The following ACAN variants were observed in gnomAD, a reference collection of about 807,000 sequenced individuals.
ACAN encodes aggrecan core protein.
Under a neutral mutation model 169.1 loss-of-function variants are expected in ACAN, and 47 were observed. That is an observed-to-expected ratio of 0.28 (90% CI 0.22 to 0.35). The LOEUF is 0.35. Ranked by LOEUF, ACAN falls within the 10% of genes least tolerant of loss-of-function variation. The probability of loss-of-function intolerance (pLI) is 1.00; values close to 1 mark genes in which losing one functional copy is unlikely to be tolerated. For synonymous variants in ACAN, 1,115 were observed against 1,112.2 expected, an observed-to-expected ratio of 1.00 and a Z score of -0.05; for missense variants, 2,716 against 2,759.9, an observed-to-expected ratio of 0.98 and a Z score of 0.36.
At position 88,861,590 on chromosome 15, in the gene ACAN, C is replaced by A. The variant is rs1177355203; in HGVS notation, c.6946+1151C>A. The stretch of plus-strand genomic sequence containing the variant: ...GGGTAGATATTCATTCACTCTTTCC[C>A]CAACGTGTGGGCTGCAAGGACAGAG... On this transcript the variant is annotated intron_variant, in intron 13 of 18. Coordinates refer to ENST00000560601, the MANE Select transcript of ACAN (RefSeq NM_001369268.1). The surrounding 1 kb of genome is among the most constrained non-coding windows in gnomAD (Gnocchi z 6.3). Among the ~76,000 whole-genome samples the A allele has an allele frequency of 6.6e-6, 1 of 151,974 alleles. No homozygotes were observed. Among genetic ancestry groups the A allele is most frequent in the Non-Finnish European group, 1.5e-5 (1 of 68,000 alleles).
chr15:88,834,407 G>A (rs948175265), intron 1 of ACAN, among the ~76,000 whole-genome samples: 7 of 152,202 alleles, frequency 4.6e-5, no homozygotes, highest in Non-Finnish European at 1.0e-4. Context: ...GGGAACACCA[G>A]TGCCCTCCCA....
Position 88,814,900 on chromosome 15 carries a change from G to C in ACAN, c.-8+11091G>C, listed in dbSNP as rs535494028. The stretch of plus-strand genomic sequence containing the variant: ...TCCATCCCCTGTCCTCCTCTCCTGG[G>C]ACTAGGGAGTGGGGAATCCTAAATG... On this transcript the variant is annotated intron_variant, in intron 1 of 18. Coordinates refer to ENST00000560601, the MANE Select transcript of ACAN (RefSeq NM_001369268.1). The surrounding 1 kb of genome is among the most constrained non-coding windows in gnomAD (Gnocchi z 4.0). Among the ~76,000 whole-genome samples the C allele has an allele frequency of 6.4e-4, 97 of 152,226 alleles. 1 individual carries two copies. Among genetic ancestry groups the C allele is most frequent in the African/African-American group, 2.3e-3 (94 of 41,546 alleles).
chr15:88,853,778 ATACATACG>A (rs1394062713), intron 11 of ACAN, among the ~76,000 whole-genome samples: 2 of 148,550 alleles, frequency 1.3e-5, no homozygotes, highest in Non-Finnish European at 2.9e-5. Flanking sequence ...ACATACATAC[ATACATACG>A]TACATACATA....
rs370515602 is a variant in ACAN, at chr15:88,860,429, C to G, written c.6936C>G (p.His2312Gln). Residue 2312 changes from histidine to glutamine, a missense_variant, in exon 13 of 19, where the codon CAC (histidine) becomes CAG (glutamine). Physicochemically the swap from His to Gln is conservative, Grantham distance 24 (BLOSUM62 0). Transcript: ENST00000560601. The part of the protein sequence containing the change: ...CLCPPGYTGE[H>Q]CNIDIDECLS... Reference sequence around the variant, plus strand: ...GCCCCCCTGGCTACACTGGCGAGCACTGTAACATAGGTAAGGCCCTCATTG... The same window carrying G: ...GCCCCCCTGGCTACACTGGCGAGCAGTGTAACATAGGTAAGGCCCTCATTG... 6.2e-6 allele frequency: 10 copies of G among 1,613,084 alleles called. No individual in the cohort carries two copies. Among genetic ancestry groups the G allele is most frequent in the Non-Finnish European group, 7.6e-6 (9 of 1,179,554 alleles).
At chr15:88,859,920 G>C (rs1429625588) in intron 12 of ACAN, among the ~76,000 whole-genome samples, 1 of 152,080 alleles carries the variant, frequency 6.6e-6, no homozygotes, top group Non-Finnish European at 1.5e-5. Context: ...ACAACTTAAG[G>C]AACTATGAAG....
Position 88,849,783 on chromosome 15 carries a change from C to CA in ACAN, c.2026+53dup, listed in dbSNP as rs1373497730. On this transcript the variant is annotated intron_variant, in intron 10 of 18. Transcript: ENST00000560601. The surrounding 1 kb of genome is among the most constrained non-coding windows in gnomAD (Gnocchi z 5.1). ...AGCCCCTTTTGTCTGGAGAGGACCC[C>CA]ACTGGGTTCACCGGATCCTGCCACC... 1 of 1,588,618 alleles carries CA rather than the reference C, an allele frequency of 6.3e-7. No homozygotes were observed. Among genetic ancestry groups the CA allele is most frequent in the African/African-American group, 1.3e-5 (1 of 74,326 alleles).
intron 13 of ACAN, among the ~76,000 whole-genome samples, chr15:88,862,064 G>A (rs945378211): frequency 2.6e-5 from 4 of 152,130 alleles, no homozygotes; most frequent in Admixed American, 6.5e-5. Flanking sequence ...CTTAATTCAC[G>A]TGTTTAACAC....
rs985704706 is a variant in ACAN, at chr15:88,839,144, C to G, written c.454+98C>G. The G allele has an allele frequency of 2.0e-6, 3 of 1,478,804 alleles. No homozygotes were observed. The highest frequency in any genetic ancestry group is 2.7e-6 in the Non-Finnish European group (3 of 1,098,174). The allele number at this position is 1,478,804 out of a possible 1,614,324, so 91.6% of individuals were successfully genotyped here. ...GCAGGCAGGCTGGCCTTCAAACCAG[C>G]TCCTCCACGCACCTCAGCCAAGTTA... On this transcript the variant is annotated intron_variant, in intron 3 of 18. Transcript: ENST00000560601. The surrounding 1 kb of genome is among the most constrained non-coding windows in gnomAD (Gnocchi z 4.5).
rs1417635759 is a variant in ACAN at position 88,807,783 on chromosome 15, T to TGTGG, written c.-8+3977_-8+3978insGGTG. 6.6e-6 allele frequency among the ~76,000 whole-genome samples: 1 copy of TGTGG among 151,886 alleles called. No individual in the cohort carries two copies. Among genetic ancestry groups the TGTGG allele is most frequent in the African/African-American group, 2.4e-5 (1 of 41,372 alleles). ...GTGTGTGTGTGTGTGTGTGTGTGTG[T>TGTGG]GTGCATGCTGGCAGGGCGGGCCCTG... is the stretch of plus-strand genomic sequence containing the variant. On this transcript the variant is annotated intron_variant, in intron 1 of 18. Coordinates refer to ENST00000560601, the MANE Select transcript of ACAN (RefSeq NM_001369268.1). This position sits in a 1 kb window ranked among gnomAD's most constrained non-coding sequence, Gnocchi z 4.0.
intron 1 of ACAN, among the ~76,000 whole-genome samples, chr15:88,825,263 C>G (rs564080806): frequency 7.9e-5 from 12 of 152,270 alleles, no homozygotes; most frequent in African/African-American, 2.2e-4. Flanking sequence ...GCTCCCACCC[C>G]CTCCAGCAGG....
chr15:88,861,574 T>C lies in ACAN; in HGVS notation c.6946+1135T>C, dbSNP rs2141618452. ...ATATAAACAGACGTTAGGGTAGATA[T>C]TCATTCACTCTTTCCCCAACGTGTG... On this transcript the variant is annotated intron_variant, in intron 13 of 18. Coordinates refer to ENST00000560601, the MANE Select transcript of ACAN (RefSeq NM_001369268.1). The surrounding 1 kb of genome is among the most constrained non-coding windows in gnomAD (Gnocchi z 6.3). Among the ~76,000 whole-genome samples the C allele has an allele frequency of 6.6e-6, 1 of 152,148 alleles. No individual in the cohort carries two copies. Among genetic ancestry groups the C allele is most frequent in the East Asian group, 1.9e-4 (1 of 5,170 alleles).
In ACAN at chr15:88,871,981, G is replaced by A. The variant is rs1357000290; in HGVS notation, c.7220-22G>A. 1.2e-6 allele frequency: 2 copies of A among 1,603,832 alleles called. No homozygotes were observed. On this transcript the variant is annotated intron_variant, in intron 15 of 18. Transcript: ENST00000560601. This position sits in a 1 kb window ranked among gnomAD's most constrained non-coding sequence, Gnocchi z 7.8. ...CCTCAGGGTGTCCAGTGTGATGCCT[G>A]ACACCCTCACCCTTTCCCCAGACAA...
rs34637731 is a variant in ACAN at position 88,847,343 on chromosome 15, G to A, written c.1530G>A (p.Pro510=). The A allele has an allele frequency of 5.4e-3, 8,492 of 1,585,858 alleles. 386 individuals carry two copies. The African/African-American group carries it at 0.1, about 19-fold the overall frequency. ...CLRTGAVIAS[P]EQLQAAYEAG... ...GCACGGGGGCGGTCATTGCCTCGCCGGAGCAGCTCCAGGCCGCCTACGAAG... is the reference window on the plus strand; with the variant it reads ...GCACGGGGGCGGTCATTGCCTCGCCAGAGCAGCTCCAGGCCGCCTACGAAG... The change falls in exon 8 of 19, where the codon CCG becomes CCA. Residue 510 remains proline (P), a synonymous_variant. Coordinates refer to ENST00000560601, the MANE Select transcript of ACAN (RefSeq NM_001369268.1).
chr15:88,818,631 A>G (rs1896000037), intron 1 of ACAN, among the ~76,000 whole-genome samples: 2 of 152,186 alleles, frequency 1.3e-5, no homozygotes, highest in South Asian at 2.1e-4. Flanking sequence ...CAAATACTCA[A>G]TAGTCTGACT....
chr15:88,830,059 G>A (rs541417937), intron 1 of ACAN, among the ~76,000 whole-genome samples: 9 of 152,270 alleles, frequency 5.9e-5, no homozygotes, highest in East Asian at 1.9e-4. Flanking sequence ...TGGGAGAGGA[G>A]GGTGGGCGTT....
chr15:88,829,330 C>T (rs1288782318), intron 1 of ACAN, among the ~76,000 whole-genome samples: 1 of 152,154 alleles, frequency 6.6e-6, no homozygotes, highest in Non-Finnish European at 1.5e-5. Flanking sequence ...AAACTGTAAA[C>T]TGAGGCCTTA....
Position 88,851,662 on chromosome 15 carries a change from A to G in ACAN, c.2027-132A>G. 8.9e-7 allele frequency: 1 copy of G among 1,121,184 alleles called. No homozygotes were observed. 69.5% of individuals were successfully genotyped at this position (1,121,184 alleles called of 1,614,324 possible). On this transcript the variant is annotated intron_variant, in intron 10 of 18. Transcript: ENST00000560601. This position sits in a 1 kb window ranked among gnomAD's most constrained non-coding sequence, Gnocchi z 4.3. ...ATGGCTCTTACTAAGCGAGAAGGCA[A>G]ACAGCCATCTGCTGAACTAGGAGGT... is the stretch of plus-strand genomic sequence containing the variant.
In ACAN at chr15:88,874,034, AC is replaced by A. The variant is rs780775309; in HGVS notation, c.7630+14del. Reference sequence around the variant, plus strand: ...ATCACCTGCACAGACCGTGAGCATCACCCCGGCCATCTCGCTGAGCACAGGG... The same window carrying A: ...ATCACCTGCACAGACCGTGAGCATCACCCGGCCATCTCGCTGAGCACAGGG... On this transcript the variant is annotated intron_variant, in intron 18 of 18. Coordinates refer to ENST00000560601, the MANE Select transcript of ACAN (RefSeq NM_001369268.1). This position sits in a 1 kb window ranked among gnomAD's most constrained non-coding sequence, Gnocchi z 7.3. 6.8e-6 allele frequency: 11 copies of A among 1,607,928 alleles called. No homozygotes were observed. Among genetic ancestry groups the A allele is most frequent in the Non-Finnish European group, 8.5e-7 (1 of 1,179,636 alleles).
In ACAN at chr15:88,862,387, G is replaced by A. The variant is rs187191890; in HGVS notation, c.6946+1948G>A. On this transcript the variant is annotated intron_variant, in intron 13 of 18. Transcript: ENST00000560601. The stretch of plus-strand genomic sequence containing the variant: ...CAATGTGCAGCCAGGACTGAGAACC[G>A]CTGCTGTGAGGGTGAAGATCACCCA... Among the ~76,000 whole-genome samples, 337 of 152,332 alleles carry A rather than the reference G, an allele frequency of 2.2e-3. 1 individual carries two copies. Among genetic ancestry groups the A allele is most frequent in the African/African-American group, 7.5e-3 (310 of 41,570 alleles).
Sources: allele counts gnomAD v4.1 joint callset (sites outside exome capture counted in the v4.1 genomes callset), GRCh38; gene constraint gnomAD v4.1.1; non-coding constraint Gnocchi (gnomAD v3.1); transcripts MANE v1.5; gene names NCBI Gene and HGNC (gene_info 2026-07-23, HGNC 2026-07-21).